The following HIVEP3 variants were observed in gnomAD, a reference collection of about 807,000 sequenced individuals.
HIVEP3 encodes the protein transcription factor HIVEP3.
Under a neutral mutation model 152.8 loss-of-function variants are expected in HIVEP3, and 49 were observed. The observed-to-expected ratio is 0.32, with a 90% CI of 0.26 to 0.41. The LOEUF is 0.41. Among genes scored for constraint, HIVEP3 ranks in the 10% least tolerant of loss-of-function variants. HIVEP3 has a pLI of 1.00. For synonymous variants in HIVEP3, 1,269 were observed against 1,289.0 expected (o/e 0.98, Z 0.33); for missense variants, 2,790 against 3,103.3 (o/e 0.90, Z 2.40).
At chr1:41,780,691 G>A (rs1366937681) in intron 1 of HIVEP3, among the ~76,000 whole-genome samples, 1 of 152,154 alleles carries the variant, frequency 6.6e-6, no homozygotes, top group African/African-American at 2.4e-5. Context: ...CTGACCCAAG[G>A]GAGGCAAAGC....
At position 41,533,623 on chromosome 1, in the gene HIVEP3, T is replaced by C. The variant is rs924992245; in HGVS notation, c.5208-8713A>G. Among the ~76,000 whole-genome samples the C allele has an allele frequency of 6.6e-6, 1 of 152,028 alleles. No individual in the cohort carries two copies. The highest frequency in any genetic ancestry group is 2.4e-5 in the African/African-American group (1 of 41,388). On this transcript the variant is annotated intron_variant, in intron 5 of 8. Transcript: ENST00000372583. This position sits in a 1 kb window ranked among gnomAD's most constrained non-coding sequence, Gnocchi z 4.3. ...CATTTGCCTCATCCTGTCCGCCCTC[T>C]TGCTGGCCTTCTGGAGGCACCTCAT...
chr1:41,761,101 A>G (rs534004754), intron 1 of HIVEP3, among the ~76,000 whole-genome samples: 37 of 152,392 alleles, frequency 2.4e-4, no homozygotes, highest in Non-Finnish European at 3.5e-4. Flanking sequence ...TTACAGGGAC[A>G]TTTGGAAGGA....
At chr1:41,576,043 T>C (rs758820462) in intron 4 of HIVEP3, among the ~76,000 whole-genome samples, 1 of 152,236 alleles carries the variant, frequency 6.6e-6, no homozygotes, top group African/African-American at 2.4e-5. Flanking sequence ...CAGAACCCCA[T>C]ACAGGGCCTG....
rs138357594 is a variant in HIVEP3, at chr1:41,883,644, G to A, written c.-801+34769C>T. ...AGAGAACCTGTGACCCCACAGGATC[G>A]AGCCTGCCCCCTCAATGCCTGTCAG... On this transcript the variant is annotated intron_variant, in intron 1 of 8. Transcript: ENST00000372583. 2.2e-4 allele frequency among the ~76,000 whole-genome samples: 33 copies of A among 152,288 alleles called. No individual in the cohort carries two copies. In the East Asian group the frequency reaches 4.6e-3, roughly 21 times the overall value.
intron 1 of HIVEP3, among the ~76,000 whole-genome samples, chr1:41,775,363 A>G (rs1001469866): frequency 5.3e-5 from 8 of 152,226 alleles, no homozygotes; most frequent in Non-Finnish European, 1.0e-4. Flanking sequence ...TCTTTCTAGC[A>G]GAGCTGTTGG....
chr1:42,017,670 A>C (rs1645531540), intron 1 of HIVEP3, among the ~76,000 whole-genome samples: 1 of 152,100 alleles, frequency 6.6e-6, no homozygotes, highest in Admixed American at 6.6e-5. Context: ...CTGTCTTTGG[A>C]TATCTGGGTT....
intron 1 of HIVEP3, among the ~76,000 whole-genome samples, chr1:41,761,159 T>G (rs770068127): frequency 6.6e-6 from 1 of 152,226 alleles, no homozygotes; most frequent in South Asian, 2.1e-4. Context: ...TTGAGCTAGG[T>G]GTATGCGCAT....
chr1:41,900,415 G>T (rs767748840), intron 1 of HIVEP3, among the ~76,000 whole-genome samples: 1 of 152,126 alleles, frequency 6.6e-6, no homozygotes, highest in East Asian at 1.9e-4. Context: ...TCCTCCCTTG[G>T]GGGTAGAGTA....
intron 1 of HIVEP3, among the ~76,000 whole-genome samples, chr1:41,745,750 G>A (rs1356067054): frequency 6.6e-6 from 1 of 152,204 alleles, no homozygotes; most frequent in African/African-American, 2.4e-5. Context: ...TTAGAGCAGG[G>A]TTGTGGGGGT....
chr1:41,609,072 A>G (rs1558112157), intron 3 of HIVEP3, among the ~76,000 whole-genome samples: 1 of 152,062 alleles, frequency 6.6e-6, no homozygotes, highest in Non-Finnish European at 1.5e-5. Context: ...TAAAAAAAAA[A>G]AACGGTTTTC....
At chr1:41,589,942 G>C (rs1344435477) in intron 3 of HIVEP3, among the ~76,000 whole-genome samples, 1 of 152,202 alleles carries the variant, frequency 6.6e-6, no homozygotes, top group Non-Finnish European at 1.5e-5. Context: ...TGGGAACCCA[G>C]GGCACAAGGC....
At chr1:41,975,093 A>T (rs959674307) in intron 1 of HIVEP3, among the ~76,000 whole-genome samples, 5 of 152,106 alleles carry the variant, frequency 3.3e-5, no homozygotes, top group African/African-American at 1.2e-4. Flanking sequence ...AAGAATATAA[A>T]GACCTGGAGA....
intron 5 of HIVEP3, among the ~76,000 whole-genome samples, chr1:41,555,920 C>A (rs1271498622): frequency 6.6e-6 from 1 of 152,198 alleles, no homozygotes; most frequent in Non-Finnish European, 1.5e-5. Flanking sequence ...GTTCACGCAG[C>A]ATGGTGTCCT....
intron 1 of HIVEP3, among the ~76,000 whole-genome samples, chr1:41,771,040 G>T (rs1264590410): frequency 6.6e-6 from 1 of 151,994 alleles, no homozygotes; most frequent in African/African-American, 2.4e-5. Flanking sequence ...AAGGGCCACA[G>T]TACATAAATA....
intron 1 of HIVEP3, among the ~76,000 whole-genome samples, chr1:41,723,501 C>CACACACACACACACA (rs57345431): frequency 4.8e-5 from 7 of 146,552 alleles, no homozygotes; most frequent in African/African-American, 1.8e-4. Context: ...CACACAGCCA[C>CACACACACACACACA]CACACACACA....
intron 1 of HIVEP3, among the ~76,000 whole-genome samples, chr1:41,858,661 C>A (rs1643836060): frequency 1.3e-5 from 2 of 152,150 alleles, no homozygotes; most frequent in South Asian, 4.1e-4. Flanking sequence ...TCATGTTTTC[C>A]ATAGAGCTTA....
intron 1 of HIVEP3, among the ~76,000 whole-genome samples, chr1:41,893,716 T>C (rs1570755260): frequency 6.7e-6 from 1 of 149,994 alleles, no homozygotes; most frequent in African/African-American, 2.4e-5. Flanking sequence ...GTGTATGTGT[T>C]TGTGTGTGTG....
intron 1 of HIVEP3, among the ~76,000 whole-genome samples, chr1:41,915,532 C>T (rs921754771): frequency 2.6e-5 from 4 of 152,104 alleles, no homozygotes; most frequent in African/African-American, 9.7e-5. Flanking sequence ...AATGCAGAGG[C>T]CTGAAAGAGG....
At chr1:41,669,515 C>T (rs954004241) in intron 2 of HIVEP3, among the ~76,000 whole-genome samples, 1 of 152,174 alleles carries the variant, frequency 6.6e-6, no homozygotes, top group Admixed American at 6.5e-5. Context: ...ATTACCCTCC[C>T]TAACATGGGA....
Sources: gnomAD v4.1 joint callset for allele counts (sites outside exome capture counted in the v4.1 genomes callset) on GRCh38, gnomAD v4.1.1 for gene constraint, Gnocchi (gnomAD v3.1) non-coding constraint, MANE v1.5 for transcripts, NCBI Gene and HGNC (gene_info 2026-07-23, HGNC 2026-07-21) for gene names.